ST6GALNAC3: variants seen among roughly 807,000 people sequenced by gnomAD.
The protein encoded by ST6GALNAC3 is alpha-N-acetylgalactosaminide alpha-2,6-sialyltransferase 3.
A neutral mutation model predicts 32.7 loss-of-function variants in ST6GALNAC3; 25 were observed. That is an observed-to-expected ratio of 0.76 (90% CI 0.56 to 1.07). ST6GALNAC3 has a LOEUF of 1.07. Among genes scored for constraint, ST6GALNAC3 ranks in the 50% least tolerant of loss-of-function variants. The probability of loss-of-function intolerance (pLI) is 0.00; values close to 1 mark genes in which losing one functional copy is unlikely to be tolerated. For synonymous variants in ST6GALNAC3, 129 were observed against 133.1 expected (o/e 0.97, Z 0.21); for missense variants, 355 against 382.4 (o/e 0.93, Z 0.60).
At chr1:76,420,229 A>G (rs951937173) in intron 3 of ST6GALNAC3, among the ~76,000 whole-genome samples, 9 of 152,226 alleles carry the variant, frequency 5.9e-5, no homozygotes, top group Admixed American at 4.6e-4. Flanking sequence ...TCATCTGCAG[A>G]TGGCACTTTG....
At chr1:76,491,952 A>T (rs527329248) in intron 3 of ST6GALNAC3, among the ~76,000 whole-genome samples, 21 of 152,300 alleles carry the variant, frequency 1.4e-4, no homozygotes, top group South Asian at 4.1e-4. Flanking sequence ...TTCGTCTCTG[A>T]TAACCGTGAA....
At chr1:76,450,339 T>G (rs1275592554) in intron 3 of ST6GALNAC3, among the ~76,000 whole-genome samples, 1 of 152,216 alleles carries the variant, frequency 6.6e-6, no homozygotes, top group African/African-American at 2.4e-5. Flanking sequence ...ATTAGTGATT[T>G]TTTAAAATAT....
At chr1:76,280,342 C>T (rs2100784309) in intron 1 of ST6GALNAC3, among the ~76,000 whole-genome samples, 1 of 152,306 alleles carries the variant, frequency 6.6e-6, no homozygotes, top group South Asian at 2.1e-4. Context: ...ATTCTGGTGA[C>T]TGTTACTCTC....
intron 2 of ST6GALNAC3, among the ~76,000 whole-genome samples, chr1:76,357,854 A>C (rs1040133050): frequency 6.6e-6 from 1 of 152,144 alleles, no homozygotes; most frequent in Non-Finnish European, 1.5e-5. Flanking sequence ...GTGCCTCCAG[A>C]TGAAGGTCCT....
rs1220759508 is a variant in ST6GALNAC3, at chr1:76,381,166, G to T, written c.214-30842G>T. On this transcript the variant is annotated intron_variant, in intron 2 of 4. Transcript: ENST00000328299. ...ATATTGTTAGAAAATAGTTTGGGCT[G>T]CTAAAAAAAAAAAAAAAAAAGAAAA... 3.0e-4 allele frequency among the ~76,000 whole-genome samples: 31 copies of T among 104,008 alleles called. No individual in the cohort carries two copies. In the Admixed American group the frequency reaches 3.6e-3, roughly 12 times the overall value. The allele number at this position is 104,008 out of a possible 152,430, so 68.2% of individuals were successfully genotyped here. A position where few individuals can be genotyped will look rare whatever the true frequency, so the allele number is the denominator to read the frequency against.
intron 1 of ST6GALNAC3, among the ~76,000 whole-genome samples, chr1:76,253,238 A>G (rs1452477782): frequency 6.6e-6 from 1 of 152,128 alleles, no homozygotes; most frequent in Non-Finnish European, 1.5e-5. Flanking sequence ...TATTCAACTT[A>G]TACATTCTTC....
intron 1 of ST6GALNAC3, among the ~76,000 whole-genome samples, chr1:76,157,230 CAT>C (rs984590404): frequency 3.3e-5 from 5 of 152,202 alleles, no homozygotes; most frequent in Non-Finnish European, 5.9e-5. Flanking sequence ...TTATGCTAAA[CAT>C]GTGTTCACAC....
At chr1:76,228,563 C>G (rs1433576088) in intron 1 of ST6GALNAC3, among the ~76,000 whole-genome samples, 1 of 152,154 alleles carries the variant, frequency 6.6e-6, no homozygotes, top group Non-Finnish European at 1.5e-5. Context: ...TACTCTAGGT[C>G]AAACCACAGC....
chr1:76,586,598 C>T (rs553912626), intron 3 of ST6GALNAC3, among the ~76,000 whole-genome samples: 2 of 152,270 alleles, frequency 1.3e-5, no homozygotes, highest in South Asian at 4.1e-4. Flanking sequence ...ATTTTAAACT[C>T]AGGTTAAAGT....
At chr1:76,112,017 G>A (rs1263984141) in intron 1 of ST6GALNAC3, among the ~76,000 whole-genome samples, 2 of 151,772 alleles carry the variant, frequency 1.3e-5, no homozygotes, top group East Asian at 2.0e-4. Flanking sequence ...AGGGGCGGCC[G>A]GGCAGAGGCG....
intron 1 of ST6GALNAC3, among the ~76,000 whole-genome samples, chr1:76,298,401 A>T (rs1243565884): frequency 1.3e-5 from 2 of 152,072 alleles, no homozygotes; most frequent in African/African-American, 4.8e-5. Flanking sequence ...ATCATAAACC[A>T]AATCCCAGAA....
chr1:76,100,002 T>A (rs954961378), intron 1 of ST6GALNAC3, among the ~76,000 whole-genome samples: 1 of 152,112 alleles, frequency 6.6e-6, no homozygotes, highest in African/African-American at 2.4e-5. Flanking sequence ...TTTGAGGTAT[T>A]GTTAAGTATT....
At chr1:76,568,758 C>T (rs1008738268) in intron 3 of ST6GALNAC3, among the ~76,000 whole-genome samples, 2 of 152,098 alleles carry the variant, frequency 1.3e-5, no homozygotes, top group African/African-American at 2.4e-5. Flanking sequence ...ATCCCAGGTT[C>T]GCCAAGAGTG....
chr1:76,196,738 C>T (rs183147060), intron 1 of ST6GALNAC3, among the ~76,000 whole-genome samples: 1 of 152,262 alleles, frequency 6.6e-6, no homozygotes, highest in African/African-American at 2.4e-5. Flanking sequence ...AGTGCTATTA[C>T]AGGTGTGAGC....
At chr1:76,098,551 A>AT (rs1647171653) in intron 1 of ST6GALNAC3, among the ~76,000 whole-genome samples, 1 of 152,050 alleles carries the variant, frequency 6.6e-6, no homozygotes, top group Admixed American at 6.5e-5. Context: ...TTAGATATTT[A>AT]TTGGCTATTT....
intron 3 of ST6GALNAC3, among the ~76,000 whole-genome samples, chr1:76,438,803 G>A (rs111469841): frequency 0.013 from 1,939 of 152,242 alleles, 36 homozygotes; most frequent in African/African-American, 0.045. Flanking sequence ...TGTCTAGGCA[G>A]AATATTTCCT....
chr1:76,514,139 A>G (rs1662033094), intron 3 of ST6GALNAC3, among the ~76,000 whole-genome samples: 1 of 152,158 alleles, frequency 6.6e-6, no homozygotes, highest in Admixed American at 6.6e-5. Flanking sequence ...TCCAAATTGC[A>G]TGCCTTTTAT....
intron 1 of ST6GALNAC3, among the ~76,000 whole-genome samples, chr1:76,247,714 C>G (rs1169329396): frequency 1.3e-5 from 2 of 152,154 alleles, no homozygotes; most frequent in Non-Finnish European, 2.9e-5. Flanking sequence ...GACTGCTGTG[C>G]TGGCAGTGAG....
chr1:76,343,700 G>A (rs536025239), intron 2 of ST6GALNAC3, among the ~76,000 whole-genome samples: 1 of 152,300 alleles, frequency 6.6e-6, no homozygotes, highest in African/African-American at 2.4e-5. Flanking sequence ...ACCCTACAGA[G>A]TACAAAGGTA....
Sources: gnomAD v4.1 joint callset for allele counts (sites outside exome capture counted in the v4.1 genomes callset) on GRCh38, gnomAD v4.1.1 for gene constraint, MANE v1.5 for transcripts, NCBI Gene and HGNC (gene_info 2026-07-23, HGNC 2026-07-21) for gene names.